DPP6: variants seen among roughly 807,000 people sequenced by gnomAD.
The protein encoded by DPP6 is dipeptidyl peptidase like 6.
A neutral mutation model predicts 122.6 loss-of-function variants in DPP6; 69 were observed. The observed-to-expected ratio is 0.56, with a 90% CI of 0.46 to 0.69. The LOEUF (loss-of-function observed/expected upper bound fraction) is 0.69, where lower values mean the gene tolerates loss of function less well. DPP6 is among the 30% of genes least tolerant of loss of function. DPP6 has a pLI of 0.00. For missense variants in DPP6, 928 were observed against 1,116.9 expected (o/e 0.83, Z 2.41); for synonymous variants, 418 against 433.1 (o/e 0.97, Z 0.43).
chr7:153,877,786 G>C, the DPP6 span, among the ~76,000 whole-genome samples: 1 of 152,190 alleles, frequency 6.6e-6, no homozygotes, highest in Non-Finnish European at 1.5e-5. Context: ...TAAAAATCAA[G>C]TATTACCCTA....
chr7:154,162,523 C>T (rs1797033654), intron 1 of DPP6, among the ~76,000 whole-genome samples: 1 of 152,182 alleles, frequency 6.6e-6, no homozygotes, highest in South Asian at 2.1e-4. Flanking sequence ...CCAGCTTGCT[C>T]CAAGAGCCTG....
intron 1 of DPP6, among the ~76,000 whole-genome samples, chr7:154,187,890 G>A (rs1310110216): frequency 2.6e-5 from 4 of 152,076 alleles, no homozygotes; most frequent in Non-Finnish European, 5.9e-5. Context: ...TTAAGTCAGA[G>A]ACACAATGGA....
chr7:154,103,685 T>C (rs1805927804), intron 1 of DPP6, among the ~76,000 whole-genome samples: 1 of 152,256 alleles, frequency 6.6e-6, no homozygotes, highest in Admixed American at 6.5e-5. Flanking sequence ...CACCATCCCA[T>C]CGGCTGCCAG....
intron 16 of DPP6, among the ~76,000 whole-genome samples, chr7:154,835,067 C>T (rs575719318): frequency 2.0e-5 from 3 of 152,308 alleles, no homozygotes; most frequent in African/African-American, 7.2e-5. Flanking sequence ...GCAGTGGACC[C>T]TAAGACCTAC....
At chr7:153,814,914 C>A in the DPP6 span, among the ~76,000 whole-genome samples, 1 of 152,072 alleles carries the variant, frequency 6.6e-6, no homozygotes, top group East Asian at 1.9e-4. Context: ...AACAATGCTT[C>A]ATGCTAAAAA....
chr7:154,674,127 C>T (rs375036110), intron 7 of DPP6, among the ~76,000 whole-genome samples: 7 of 152,150 alleles, frequency 4.6e-5, no homozygotes, highest in Non-Finnish European at 7.4e-5. Flanking sequence ...CCACCCACCT[C>T]GGCCTCCCAA....
intron 1 of DPP6, among the ~76,000 whole-genome samples, chr7:154,303,370 TGGGGCCTCCATGACAG>T (rs1806038127): frequency 1.3e-5 from 2 of 152,164 alleles, no homozygotes; most frequent in African/African-American, 4.8e-5. Flanking sequence ...ACTCAGCTGC[TGGGGCCTCCATGACAG>T]GTTTGCTTGG....
At chr7:154,749,177 AGG>A (rs1208135174) in intron 8 of DPP6, among the ~76,000 whole-genome samples, 2 of 145,648 alleles carry the variant, frequency 1.4e-5, no homozygotes, top group Non-Finnish European at 3.0e-5. Context: ...ATAGGACAGG[AGG>A]GAGAGGGATG....
At chr7:154,078,487 G>A (rs1195135700) in intron 1 of DPP6, among the ~76,000 whole-genome samples, 1 of 151,956 alleles carries the variant, frequency 6.6e-6, no homozygotes, top group Admixed American at 6.6e-5. Flanking sequence ...TTAGATACGA[G>A]CAATATGGGG....
chr7:154,131,313 T>C (rs372187882), intron 1 of DPP6, among the ~76,000 whole-genome samples: 3 of 152,244 alleles, frequency 2.0e-5, no homozygotes, highest in African/African-American at 7.2e-5. Flanking sequence ...GATATCTTCT[T>C]TCCAGGAACG....
chr7:154,409,447 TC>T (rs1816408930), intron 1 of DPP6, among the ~76,000 whole-genome samples: 1 of 152,210 alleles, frequency 6.6e-6, no homozygotes, highest in African/African-American at 2.4e-5. Flanking sequence ...TGTTTAAGTC[TC>T]CAAGTCTGTG....
rs373799049 is a variant in DPP6 at position 154,229,518 on chromosome 7, T to TA, written c.243+176456dup. ...CTGTTAATTATTGGTCCTCTTCACT[T>TA]AGAGCATGAACAAGATGATGTTTTT... On this transcript the variant is annotated intron_variant, in intron 1 of 25. Coordinates refer to ENST00000377770, the MANE Select transcript of DPP6 (RefSeq NM_130797.4). Among the ~76,000 whole-genome samples, 456 of 152,314 alleles carry TA rather than the reference T, an allele frequency of 3.0e-3. 5 individuals carry two copies. Among genetic ancestry groups the TA allele is most frequent in the African/African-American group, 0.011 (443 of 41,574 alleles).
the DPP6 span, among the ~76,000 whole-genome samples, chr7:153,874,371 GTTA>G: frequency 1.3e-5 from 2 of 151,992 alleles, no homozygotes; most frequent in African/African-American, 4.8e-5. Flanking sequence ...AAAATACAGA[GTTA>G]TTATTATTTA....
At chr7:154,623,577 GCA>G (rs200990839) in intron 5 of DPP6, among the ~76,000 whole-genome samples, 56,424 of 149,264 alleles carry the variant, frequency 0.38, 10,847 homozygotes, top group East Asian at 0.68. Context: ...ACACACACAC[GCA>G]CGCACACGCG....
rs1182264477 is a variant in DPP6 at position 154,607,007 on chromosome 7, C to A, written c.628-30814C>A. Among the ~76,000 whole-genome samples the A allele has an allele frequency of 1.7e-5, 2 of 120,988 alleles. 1 individual carries two copies. The highest frequency in any genetic ancestry group is 7.2e-4 in the East Asian group (2 of 2,778). The allele number at this position is 120,988 out of a possible 152,430, so 79.4% of individuals were successfully genotyped here. A position where few individuals can be genotyped will look rare whatever the true frequency, so the allele number is the denominator to read the frequency against. On this transcript the variant is annotated intron_variant, in intron 5 of 25. Coordinates refer to ENST00000377770, the MANE Select transcript of DPP6 (RefSeq NM_130797.4). ...TACTGTTGTAATAATTTTGTAGCCA[C>A]CTGCTGCTGCTATTATGGTGAGCTA...
At chr7:153,774,307 G>A in the DPP6 span, among the ~76,000 whole-genome samples, 2 of 152,134 alleles carry the variant, frequency 1.3e-5, no homozygotes, top group African/African-American at 4.8e-5. Flanking sequence ...TCACCGGAAG[G>A]TACAATACAG....
At chr7:153,881,213 C>T in the DPP6 span, among the ~76,000 whole-genome samples, 1 of 152,148 alleles carries the variant, frequency 6.6e-6, no homozygotes, top group South Asian at 2.1e-4. Flanking sequence ...CAGGCATAGG[C>T]CTTCAAGTTG....
chr7:154,812,703 G>T (rs192519742), intron 16 of DPP6, among the ~76,000 whole-genome samples: 1 of 152,020 alleles, frequency 6.6e-6, no homozygotes, highest in Non-Finnish European at 1.5e-5. Context: ...GTATAAATGT[G>T]GGGGGGACAT....
intron 5 of DPP6, among the ~76,000 whole-genome samples, chr7:154,572,510 C>CTTTTTTTTTTTTTTTTTT (rs77816407): frequency 2.3e-5 from 2 of 86,144 alleles, no homozygotes; most frequent in Admixed American, 1.3e-4. Context: ...TTTTTCTTTT[C>CTTTTTTTTTTTTTTTTTT]TTTTTTTTTT....
Sources: allele counts gnomAD v4.1 joint callset (sites outside exome capture counted in the v4.1 genomes callset), GRCh38; gene constraint gnomAD v4.1.1; transcripts MANE v1.5; gene names NCBI Gene and HGNC (gene_info 2026-07-23, HGNC 2026-07-21).